The following DIS3 variants were observed in gnomAD, a reference collection of about 807,000 sequenced individuals.
DIS3 encodes the protein exosome complex exonuclease RRP44.
Under a neutral mutation model 113.0 loss-of-function variants are expected in DIS3, and 103 were observed. That is an observed-to-expected ratio of 0.91 (90% confidence interval 0.78 to 1.07). The LOEUF is 1.07. Among genes scored for constraint, DIS3 ranks in the 50% least tolerant of loss-of-function variants. The pLI is 0.00. For synonymous variants in DIS3, 402 were observed against 394.3 expected (o/e 1.02, Z -0.23); for missense variants, 1,121 against 1,167.1 (o/e 0.96, Z 0.58).
At position 72,778,374 on chromosome 13, in the gene DIS3, G is replaced by C; in HGVS notation, c.393C>G (p.Thr131=). The stretch of plus-strand genomic sequence containing the variant: ...TTTCTCCCTGTTCTTGTTCTACATA[G>C]GTTTCTCTAAATGGAAAGAAAAAAC... ...YTFTNEHHRE[T]YVEQEQGENA... The change falls in exon 3 of 21, where the codon ACC becomes ACG. Residue 131 remains threonine (T), a synonymous_variant. Coordinates refer to ENST00000377767, the MANE Select transcript of DIS3 (RefSeq NM_014953.5). The C allele has an allele frequency of 6.5e-7, 1 of 1,548,582 alleles. No homozygotes were observed. The highest frequency in any genetic ancestry group is 8.8e-7 in the Non-Finnish European group (1 of 1,134,496).
chr13:72,777,594 T>C, intron 3 of DIS3, 101 bp from the exon 4 acceptor site: 1 of 980,640 alleles, frequency 1.0e-6, no homozygotes, highest in Non-Finnish European at 1.6e-6. Context: ...CATTCTTTCA[T>C]TCATTGAGAC....
At chr13:72,761,590 A>C in intron 18 of DIS3, 56 bp downstream of exon 18, 7 of 1,531,746 alleles carry the variant, frequency 4.6e-6, no homozygotes, top group Non-Finnish European at 6.1e-6. Context: ...ATTGAAATTA[A>C]ATTAAAAATG....
intron 19 of DIS3, 101 bp downstream of exon 19, chr13:72,761,262 C>G: frequency 7.1e-7 from 1 of 1,413,886 alleles, no homozygotes; most frequent in South Asian, 1.4e-5. Flanking sequence ...ATAAATTCTT[C>G]AGGGTACAAA....
At chr13:72,769,946 T>C (rs1947751477) in intron 13 of DIS3, among the ~76,000 whole-genome samples, 1 of 152,148 alleles carries the variant, frequency 6.6e-6, no homozygotes, top group African/African-American at 2.4e-5. Flanking sequence ...TAAGGGATTT[T>C]TGGGAGAAGT....
chr13:72,753,816 A>G lies in DIS3; in HGVS notation c.*5979T>C. 1.9e-6 allele frequency: 3 copies of G among 1,612,208 alleles called. No individual in the cohort carries two copies. Among genetic ancestry groups the G allele is most frequent in the Non-Finnish European group, 2.5e-6 (3 of 1,178,682 alleles). On this transcript the variant is annotated 3_prime_UTR_variant, in exon 21 of 21. Transcript: ENST00000377767. ...TGAGAGTAAATCTCAAGCATTTAAT[A>G]TGAAGGTACGGAGAAAATATAGTGA...
At position 72,761,409 on chromosome 13, in the gene DIS3, A is replaced by G; in HGVS notation, c.2624T>C (p.Phe875Ser). ...TGGGTTTGGTTTGTCCTTTTCTTCA[A>G]AAAAGACTGTCCCTTCTAAACCATA... Reference protein sequence around the residue: ...PKYGLEGTVFFEEKDKPNPQL... With the variant: ...PKYGLEGTVFSEEKDKPNPQL... The change falls in exon 19 of 21, where the codon TTT becomes TCT. Residue 875 changes from phenylalanine to serine, a missense_variant. By Grantham distance (155) the Phe-to-Ser change is radical. Transcript: ENST00000377767. 1.9e-6 allele frequency: 3 copies of G among 1,609,640 alleles called. No homozygotes were observed. Among genetic ancestry groups the G allele is most frequent in the Non-Finnish European group, 2.5e-6 (3 of 1,179,030 alleles).
At chr13:72,771,631 CACAAT>C (rs1369742593) in intron 11 of DIS3, among the ~76,000 whole-genome samples, 159 bp downstream of exon 11, 1 of 152,124 alleles carries the variant, frequency 6.6e-6, no homozygotes, top group Non-Finnish European at 1.5e-5. Context: ...CCTTGACTTT[CACAAT>C]ACTTTACTTG....
intron 8 of DIS3, 105 bp downstream of exon 8, chr13:72,773,579 A>T: frequency 3.1e-6 from 4 of 1,271,574 alleles, no homozygotes; most frequent in Non-Finnish European, 3.2e-6. Context: ...TCTAAATTTC[A>T]GTACAAATTC....
intron 8 of DIS3, 116 bp downstream of exon 8, chr13:72,773,568 C>G (rs2033935650): frequency 8.5e-7 from 1 of 1,170,226 alleles, no homozygotes; most frequent in South Asian, 1.7e-5. Flanking sequence ...TGTGAAATAT[C>G]TCTAAATTTC....
intron 4 of DIS3, among the ~76,000 whole-genome samples, chr13:72,776,521 C>A (rs2034022246): frequency 6.6e-6 from 1 of 152,134 alleles, no homozygotes; most frequent in South Asian, 2.1e-4. Flanking sequence ...GAAGGGATGA[C>A]AGAAGTGTAA....
chr13:72,775,906 A>G lies in DIS3; in HGVS notation c.822+19T>C, dbSNP rs774833154. On this transcript the variant is annotated intron_variant, in intron 5 of 20. Transcript: ENST00000377767. ...ATCATCTTTATTTTAGTGTATAAGGAATTTATTTATATACTTGCCTCTTTA... is the reference window on the plus strand; with the variant it reads ...ATCATCTTTATTTTAGTGTATAAGGGATTTATTTATATACTTGCCTCTTTA... 2.5e-6 allele frequency: 4 copies of G among 1,575,264 alleles called. No homozygotes were observed. The highest frequency in any genetic ancestry group is 1.2e-5 in the South Asian group (1 of 84,424).
intron 15 of DIS3, among the ~76,000 whole-genome samples, chr13:72,765,154 T>C (rs1593838654): frequency 6.6e-6 from 1 of 152,098 alleles, no homozygotes; most frequent in East Asian, 1.9e-4. Flanking sequence ...GTTTCCTACA[T>C]CTTAACTAAA....
chr13:72,775,398 C>G, intron 5 of DIS3, 23 bp from the exon 6 acceptor site: 2 of 1,556,950 alleles, frequency 1.3e-6, no homozygotes, highest in Non-Finnish European at 1.7e-6. Context: ...ACAGAGGGCA[C>G]GTGCCCAAAT....
In DIS3 at chr13:72,775,361, T is replaced by C; in HGVS notation, c.837A>G (p.Gly279=). 1 of 1,607,020 alleles carries C rather than the reference T, an allele frequency of 6.2e-7. No homozygotes were observed. The highest frequency in any genetic ancestry group is 1.3e-5 in the African/African-American group (1 of 74,672). Residue 279 remains glycine (G), a synonymous_variant, in exon 6 of 21, where the codon GGA becomes GGG. Coordinates refer to ENST00000377767, the MANE Select transcript of DIS3 (RefSeq NM_014953.5). The part of the protein sequence containing the change: ...NEENKEIILQ[G]LKHLNRAVHE... ...GAACAGCTCTGTTTAAATGTTTAAG[T>C]CCCTGTAAGATTATCTGTTTAAAAC...
chr13:72,771,662 G>T, intron 11 of DIS3, 133 bp downstream of exon 11: 1 of 757,608 alleles, frequency 1.3e-6, no homozygotes. Flanking sequence ...TGAACCACTC[G>T]ATAACAAAAA....
chr13:72,760,846 T>C (rs2033605815), intron 19 of DIS3, among the ~76,000 whole-genome samples, 195 bp from the exon 20 acceptor site: 1 of 152,108 alleles, frequency 6.6e-6, no homozygotes, highest in Non-Finnish European at 1.5e-5. Context: ...ACTTTCTCCT[T>C]CATTAAGGTA....
Position 72,771,984 on chromosome 13 carries a change from AT to A in DIS3, c.1504-89del. 6.9e-6 allele frequency: 10 copies of A among 1,458,182 alleles called. No individual in the cohort carries two copies. In the South Asian group the frequency reaches 1.2e-4, roughly 18 times the overall value. 90.3% of individuals were successfully genotyped at this position (1,458,182 alleles called of 1,614,324 possible). ...TTTTAATAAGATAAAGTTTAGCTAA[AT>A]TTAAAAAAGACTCAGTCACCTCTAC... is the stretch of plus-strand genomic sequence containing the variant. On this transcript the variant is annotated intron_variant, in intron 10 of 20. Transcript: ENST00000377767.
In DIS3 at chr13:72,755,494, C is replaced by A; in HGVS notation, c.*4301G>T. On this transcript the variant is annotated 3_prime_UTR_variant, in exon 21 of 21. Coordinates refer to ENST00000377767, the MANE Select transcript of DIS3 (RefSeq NM_014953.5). ...CAACAAATTGTGACAGAGCTGAGTG[C>A]TCCTATCTTACAGGGTCAATGAACT... is the stretch of plus-strand genomic sequence containing the variant. 1 of 429,728 alleles carries A rather than the reference C, an allele frequency of 2.3e-6. No homozygotes were observed. Among genetic ancestry groups the A allele is most frequent in the Non-Finnish European group, 4.1e-6 (1 of 243,132 alleles). 26.6% of individuals were successfully genotyped at this position (429,728 alleles called of 1,614,324 possible).
intron 20 of DIS3, among the ~76,000 whole-genome samples, chr13:72,760,195 G>A (rs961759788): frequency 6.6e-6 from 1 of 152,096 alleles, no homozygotes; most frequent in African/African-American, 2.4e-5. Flanking sequence ...AGTGTGTTGG[G>A]GAAGGACAAA....
Sources: allele counts gnomAD v4.1 joint callset (sites outside exome capture counted in the v4.1 genomes callset), GRCh38; gene constraint gnomAD v4.1.1; transcripts MANE v1.5; gene names NCBI Gene and HGNC (gene_info 2026-07-23, HGNC 2026-07-21).